SP4: variants seen among roughly 807,000 people sequenced by gnomAD.
The protein encoded by SP4 is transcription factor Sp4.
Under a neutral mutation model 72.8 loss-of-function variants are expected in SP4, and 19 were observed. That is an observed-to-expected ratio of 0.26 (90% CI 0.18 to 0.38). The LOEUF (loss-of-function observed/expected upper bound fraction) is 0.38, where lower values mean the gene tolerates loss of function less well. Ranked by LOEUF, SP4 falls within the 10% of genes least tolerant of loss-of-function variation. SP4 has a pLI of 1.00. For missense variants in SP4, 1,008 were observed against 926.3 expected, an observed-to-expected ratio of 1.09 and a Z score of -1.14; for synonymous variants, 395 against 333.1, an observed-to-expected ratio of 1.19 and a Z score of -2.02.
chr7:21,468,521 T>G (rs1396370535), intron 3 of SP4, among the ~76,000 whole-genome samples: 1 of 151,948 alleles, frequency 6.6e-6, no homozygotes, highest in Non-Finnish European at 1.5e-5. Context: ...GAATGGAATT[T>G]TTTTTTTTTC....
chr7:21,462,832 A>C (rs1014405584), intron 3 of SP4, among the ~76,000 whole-genome samples: 1 of 152,212 alleles, frequency 6.6e-6, no homozygotes, highest in Non-Finnish European at 1.5e-5. Context: ...GGAATCTCAG[A>C]TGGTATTGAA....
chr7:21,506,868 A>G (rs899054656), intron 5 of SP4, among the ~76,000 whole-genome samples: 2 of 152,174 alleles, frequency 1.3e-5, no homozygotes, highest in East Asian at 1.9e-4. Context: ...AATGTGTCCT[A>G]TGTCCTACGA....
intron 3 of SP4, among the ~76,000 whole-genome samples, chr7:21,464,850 G>A (rs761890376): frequency 1.3e-5 from 2 of 152,202 alleles, no homozygotes; most frequent in Non-Finnish European, 2.9e-5. Flanking sequence ...GTGACTCATT[G>A]TACATCTAAA....
chr7:21,487,400 A>T (rs1450982170), intron 5 of SP4, among the ~76,000 whole-genome samples: 1 of 136,844 alleles, frequency 7.3e-6, no homozygotes, highest in African/African-American at 2.8e-5. Context: ...CATATTTTGG[A>T]ATCTCTAGGG....
At chr7:21,459,106 T>A (rs1783871860) in intron 3 of SP4, among the ~76,000 whole-genome samples, 1 of 139,674 alleles carries the variant, frequency 7.2e-6, no homozygotes, top group African/African-American at 2.9e-5. Flanking sequence ...ATCATTGTAA[T>A]GTTTTGGGAA....
chr7:21,433,857 T>C (rs1782954107), intron 3 of SP4, among the ~76,000 whole-genome samples: 1 of 152,018 alleles, frequency 6.6e-6, no homozygotes, highest in Admixed American at 6.5e-5. Flanking sequence ...GGAGAATCAC[T>C]TGAACCCAGG....
chr7:21,484,489 A>G (rs1026960991), intron 5 of SP4, among the ~76,000 whole-genome samples: 3 of 151,932 alleles, frequency 2.0e-5, no homozygotes, highest in African/African-American at 2.4e-5. Context: ...TAGCGTCGCA[A>G]TCCCTGAAAA....
rs1784904013 is a variant in SP4 at position 21,489,190 on chromosome 7, C to T, written c.2107+7067C>T. Reference sequence around the variant, plus strand: ...TTATAATTGTATCAATAATTATAAGCTTAAGTGGAAATGAAACAGATTCTG... The same window carrying T: ...TTATAATTGTATCAATAATTATAAGTTTAAGTGGAAATGAAACAGATTCTG... On this transcript the variant is annotated intron_variant, in intron 5 of 5. Transcript: ENST00000222584. Among the ~76,000 whole-genome samples the T allele has an allele frequency of 2.0e-5, 3 of 152,072 alleles. No homozygotes were observed. The South Asian group carries it at 6.2e-4, about 31-fold the overall frequency.
Position 21,430,357 on chromosome 7 carries a change from A to G in SP4, c.1192A>G (p.Ile398Val), listed in dbSNP as rs202083887. 7 of 1,614,162 alleles carry G rather than the reference A, an allele frequency of 4.3e-6. No homozygotes were observed. In the African/African-American group the frequency reaches 9.3e-5, roughly 22 times the overall value. The change falls in exon 3 of 6, where the codon ATT (isoleucine) becomes GTT (valine). Residue 398 changes from isoleucine (I) to valine (V), a missense_variant. Around this residue, in one of 3 missense-constraint regions of SP4, gnomAD observed 893 missense variants for 743.3 expected, o/e 1.20. Transcript: ENST00000222584. ...ATCAAATTCTCTTCAGCAGGTGCAA[A>G]TTGTAGGCCAACCTATCTTACAGCA... ...DQSNSLQQVQ[I>V]VGQPILQQIQ...
intron 5 of SP4, among the ~76,000 whole-genome samples, chr7:21,497,346 G>A (rs1007839187): frequency 3.9e-5 from 6 of 152,208 alleles, no homozygotes; most frequent in African/African-American, 1.2e-4. Flanking sequence ...TGCCACAGAG[G>A]TGGGGAGTGG....
chr7:21,463,828 TTAGA>T (rs2128403316), intron 3 of SP4, among the ~76,000 whole-genome samples: 1 of 152,312 alleles, frequency 6.6e-6, no homozygotes, highest in South Asian at 2.1e-4. Flanking sequence ...ATCACTCAAA[TTAGA>T]ATACTTATAG....
intron 3 of SP4, among the ~76,000 whole-genome samples, chr7:21,475,691 C>T (rs375867016): frequency 2.6e-5 from 4 of 152,270 alleles, no homozygotes; most frequent in African/African-American, 9.6e-5. Context: ...TCTCGATCTC[C>T]TGACCTTGTG....
chr7:21,462,554 T>G (rs1283939871), intron 3 of SP4, among the ~76,000 whole-genome samples: 1 of 152,184 alleles, frequency 6.6e-6, no homozygotes, highest in Non-Finnish European at 1.5e-5. Flanking sequence ...AATAGTATGT[T>G]GAAAGTGTCT....
At position 21,512,892 on chromosome 7, in the gene SP4, A is replaced by G. The variant is rs1036999370; in HGVS notation, c.*1623A>G. 1 of 152,644 alleles carries G rather than the reference A, an allele frequency of 6.6e-6. No individual in the cohort carries two copies. The highest frequency in any genetic ancestry group is 1.5e-5 in the Non-Finnish European group (1 of 68,044). The allele number at this position is 152,644 out of a possible 1,614,324, so 9.5% of individuals were successfully genotyped here. A position where few individuals can be genotyped will look rare whatever the true frequency, so the allele number is the denominator to read the frequency against. On this transcript the variant is annotated 3_prime_UTR_variant, in exon 6 of 6. Coordinates refer to ENST00000222584, the MANE Select transcript of SP4 (RefSeq NM_003112.5). ...AAGGGTCTTACTAGGAAAGATGGCC[A>G]AAAGTTTCATATGAAAAAAATTGGA...
intron 3 of SP4, among the ~76,000 whole-genome samples, chr7:21,453,806 A>G (rs1001915208): frequency 1.3e-5 from 2 of 152,220 alleles, no homozygotes; most frequent in Non-Finnish European, 2.9e-5. Context: ...AATAGTCTGA[A>G]TAGTACCCCT....
intron 5 of SP4, among the ~76,000 whole-genome samples, chr7:21,485,958 G>A (rs1784802366): frequency 6.6e-6 from 1 of 151,696 alleles, no homozygotes; most frequent in Non-Finnish European, 1.5e-5. Context: ...ATTTTTCTTG[G>A]TCTACTCTCT....
In SP4 at chr7:21,477,122, T is replaced by C. The variant is rs1562613646; in HGVS notation, c.1722T>C (p.Thr574=). ...ATGGAGTAAAAGTCCAGCAAGCTAC[T>C]ATAGCTCCTGTAACTGTAGCAGTTG... ...GQDGVKVQQA[T]IAPVTVAVGG... Residue 574 remains threonine (T), a synonymous_variant, in exon 4 of 6, where the codon ACT becomes ACC. Transcript: ENST00000222584. The C allele has an allele frequency of 6.2e-7, 1 of 1,614,172 alleles. No individual in the cohort carries two copies. The highest frequency in any genetic ancestry group is 8.5e-7 in the Non-Finnish European group (1 of 1,180,016).
intron 5 of SP4, among the ~76,000 whole-genome samples, chr7:21,493,433 G>T (rs1023664005): frequency 1.3e-5 from 2 of 152,090 alleles, no homozygotes; most frequent in African/African-American, 4.8e-5. Context: ...GCTTTTACTG[G>T]TAAAAAAAGA....
intron 3 of SP4, among the ~76,000 whole-genome samples, chr7:21,438,026 AG>A (rs1348296680): frequency 6.7e-6 from 1 of 148,656 alleles, no homozygotes; most frequent in Non-Finnish European, 1.5e-5. Context: ...TTTCTAACGT[AG>A]TTCTATAATT....
Sources: gnomAD v4.1 joint callset for allele counts (sites outside exome capture counted in the v4.1 genomes callset) on GRCh38, gnomAD v4.1.1 for gene constraint, gnomAD v4.1.1 regional missense constraint, MANE v1.5 for transcripts, NCBI Gene and HGNC (gene_info 2026-07-23, HGNC 2026-07-21) for gene names.